GNG7: variants seen among roughly 807,000 people sequenced by gnomAD.
GNG7 encodes the protein G protein subunit gamma 7.
Under a neutral mutation model 4.0 loss-of-function variants are expected in GNG7, and 1 was observed. That is an observed-to-expected ratio of 0.25 (90% CI 0.09 to 1.18). The LOEUF is 1.18. GNG7 is among the 50% of genes most tolerant of loss of function. GNG7 has a pLI of 0.50. For missense variants in GNG7, 86 were observed against 91.9 expected (o/e 0.94, Z 0.26); for synonymous variants, 34 against 36.9 (o/e 0.92, Z 0.29).
intron 1 of GNG7, among the ~76,000 whole-genome samples, chr19:2,663,152 G>A (rs929411543): frequency 1.3e-5 from 2 of 152,146 alleles, no homozygotes; most frequent in African/African-American, 4.8e-5. Context: ...AGGAAGGGCT[G>A]ATCCACATGA....
At chr19:2,553,237 A>G (rs1208813204) in intron 3 of GNG7, among the ~76,000 whole-genome samples, 1 of 151,544 alleles carries the variant, frequency 6.6e-6, no homozygotes, top group African/African-American at 2.4e-5. Flanking sequence ...AGAACACGGT[A>G]GCATTATGAA....
At chr19:2,602,089 C>A (rs958718161) in intron 2 of GNG7, among the ~76,000 whole-genome samples, 6 of 152,236 alleles carry the variant, frequency 3.9e-5, no homozygotes, top group Admixed American at 2.0e-4. Flanking sequence ...GTAATCCCAG[C>A]ACTCTGGGAG....
At chr19:2,637,147 C>T (rs372817606) in intron 2 of GNG7, among the ~76,000 whole-genome samples, 1 of 152,102 alleles carries the variant, frequency 6.6e-6, no homozygotes, top group Admixed American at 6.5e-5. Flanking sequence ...CCTCTGCCCC[C>T]TCGTGGCCGC....
intron 3 of GNG7, among the ~76,000 whole-genome samples, chr19:2,537,173 T>A (rs1392512942): frequency 6.6e-6 from 1 of 151,772 alleles, no homozygotes; most frequent in East Asian, 1.9e-4. Context: ...ATGGTCTCCA[T>A]CTCCTGACCT....
intron 1 of GNG7, among the ~76,000 whole-genome samples, chr19:2,655,447 T>C (rs1448465317): frequency 6.6e-6 from 1 of 151,926 alleles, no homozygotes; most frequent in African/African-American, 2.4e-5. Context: ...GTGCGGTGGC[T>C]CATATCTGTC....
At chr19:2,553,638 A>G (rs1979424241) in intron 3 of GNG7, among the ~76,000 whole-genome samples, 3 of 95,374 alleles carry the variant, frequency 3.1e-5, no homozygotes, top group Admixed American at 2.0e-4. Flanking sequence ...CGTTACATGT[A>G]ATATGTTATA....
At chr19:2,538,675 G>A in intron 3 of GNG7, 2 of 459,132 alleles carry the variant, frequency 4.4e-6, no homozygotes, top group South Asian at 3.2e-5. Flanking sequence ...TACTTACAAG[G>A]TTCACTACTC....
intron 2 of GNG7, among the ~76,000 whole-genome samples, chr19:2,559,562 C>A (rs190991751): frequency 6.6e-6 from 1 of 151,788 alleles, no homozygotes; most frequent in African/African-American, 2.4e-5. Context: ...GTTGCCCAGG[C>A]TGGAGTACAA....
intron 3 of GNG7, among the ~76,000 whole-genome samples, chr19:2,537,410 T>C (rs896476388): frequency 5.9e-5 from 9 of 152,218 alleles, no homozygotes; most frequent in South Asian, 4.1e-4. Context: ...TAGGCCTGGC[T>C]AGTTTTTTAT....
At chr19:2,545,771 C>T (rs1402043276) in intron 3 of GNG7, among the ~76,000 whole-genome samples, 2 of 150,702 alleles carry the variant, frequency 1.3e-5, no homozygotes, top group Admixed American at 1.3e-4. Flanking sequence ...CTGGCCAACA[C>T]GGTGAAACCC....
intron 2 of GNG7, among the ~76,000 whole-genome samples, chr19:2,577,190 G>A (rs905102072): frequency 1.3e-5 from 2 of 152,164 alleles, no homozygotes; most frequent in African/African-American, 2.4e-5. Flanking sequence ...CACTTAGTAC[G>A]TCACGGTTTG....
In GNG7 at chr19:2,602,952, TTTTCTTTCTC is replaced by T. The variant is rs1568259404; in HGVS notation, c.-78+43262_-78+43271del. Reference sequence around the variant, plus strand: ...GTTTCTTCCTTTCTTCCTTTCTTTCTTTTCTTTCTCTTTCTTTCTTTCTCTCTCTCTTTCC... The same window carrying T: ...GTTTCTTCCTTTCTTCCTTTCTTTCTTTTCTTTCTTTCTCTCTCTCTTTCC... On this transcript the variant is annotated intron_variant, in intron 2 of 4. Transcript: ENST00000382159. 6.7e-5 allele frequency among the ~76,000 whole-genome samples: 10 copies of T among 148,402 alleles called. No individual in the cohort carries two copies. In the South Asian group the frequency reaches 2.1e-3, roughly 31 times the overall value.
At chr19:2,528,907 T>G (rs1217058884) in intron 3 of GNG7, among the ~76,000 whole-genome samples, 6 of 152,108 alleles carry the variant, frequency 3.9e-5, no homozygotes, top group African/African-American at 1.4e-4. Flanking sequence ...CTGCCAAATA[T>G]AAACACAGCT....
chr19:2,536,589 G>A (rs758181701), intron 3 of GNG7, among the ~76,000 whole-genome samples: 2 of 152,228 alleles, frequency 1.3e-5, no homozygotes, highest in Non-Finnish European at 2.9e-5. Flanking sequence ...TTGCAGACAA[G>A]AGCACTGCCG....
intron 1 of GNG7, among the ~76,000 whole-genome samples, chr19:2,671,879 G>A (rs151130800): frequency 0.027 from 4,149 of 151,570 alleles, 168 homozygotes; most frequent in East Asian, 0.2. Context: ...GTGAAACCTC[G>A]TCTCTACTAA....
At position 2,536,951 on chromosome 19, in the gene GNG7, T is replaced by A. The variant is rs899708023; in HGVS notation, c.-37-16226A>T. Among the ~76,000 whole-genome samples the A allele has an allele frequency of 3.2e-4, 47 of 147,340 alleles. 1 individual carries two copies. The highest frequency in any genetic ancestry group is 3.5e-3 in the Middle Eastern group (1 of 284). On this transcript the variant is annotated intron_variant, in intron 3 of 4. Transcript: ENST00000382159. The stretch of plus-strand genomic sequence containing the variant: ...ACATACATATTTTTATTTTTATTTT[T>A]ATTTTTTTTTTTTGAGACGGAGTCT...
chr19:2,640,938 G>A (rs1262759926), intron 2 of GNG7, among the ~76,000 whole-genome samples: 2 of 152,144 alleles, frequency 1.3e-5, no homozygotes, highest in East Asian at 1.9e-4. Context: ...CTCTCACCAA[G>A]TTCTGACGTC....
At chr19:2,697,862 C>A (rs1413754114) in intron 1 of GNG7, among the ~76,000 whole-genome samples, 1 of 151,870 alleles carries the variant, frequency 6.6e-6, no homozygotes, top group African/African-American at 2.4e-5. Context: ...ATGGAAGCTA[C>A]TCGGGAGGCT....
At chr19:2,624,194 G>A (rs1981953249) in intron 2 of GNG7, among the ~76,000 whole-genome samples, 1 of 152,072 alleles carries the variant, frequency 6.6e-6, no homozygotes, top group Non-Finnish European at 1.5e-5. Flanking sequence ...AAATGGCTAA[G>A]ATGGTAAATA....
Sources: gnomAD v4.1 joint callset for allele counts (sites outside exome capture counted in the v4.1 genomes callset) on GRCh38, gnomAD v4.1.1 for gene constraint, MANE v1.5 for transcripts, NCBI Gene and HGNC (gene_info 2026-07-23, HGNC 2026-07-21) for gene names.